The following CAB39L variants were observed in gnomAD, a reference collection of about 807,000 sequenced individuals.
CAB39L encodes the protein calcium-binding protein 39-like.
In CAB39L, 23 loss-of-function variants were observed where a neutral mutation model predicts 39.1. The observed-to-expected ratio is 0.59, with a 90% confidence interval of 0.42 to 0.83. The LOEUF (loss-of-function observed/expected upper bound fraction) is 0.83, where lower values mean the gene tolerates loss of function less well. Ranked by LOEUF, CAB39L falls within the 40% of genes least tolerant of loss-of-function variation. CAB39L has a pLI of 0.00. For missense variants in CAB39L, 366 were observed against 391.9 expected (o/e 0.93, Z 0.56); for synonymous variants, 126 against 137.2 (o/e 0.92, Z 0.57).
chr13:49,394,112 TA>T (rs1251529836), intron 3 of CAB39L, among the ~76,000 whole-genome samples: 1 of 151,716 alleles, frequency 6.6e-6, no homozygotes, highest in Non-Finnish European at 1.5e-5. Context: ...TATAGATAAA[TA>T]ATAAAAAAAA....
At chr13:49,372,439 G>C (rs1003935357) in intron 5 of CAB39L, among the ~76,000 whole-genome samples, 1 of 152,116 alleles carries the variant, frequency 6.6e-6, no homozygotes, top group Non-Finnish European at 1.5e-5. Context: ...ATTCCTGACA[G>C]AGAAGTAGGT....
chr13:49,438,279 C>A (rs189984358), intron 1 of CAB39L, among the ~76,000 whole-genome samples: 6 of 152,282 alleles, frequency 3.9e-5, no homozygotes, highest in Admixed American at 2.0e-4. Flanking sequence ...TCCTCTTTTC[C>A]TCCCATTTTT....
chr13:49,344,044 C>T, intron 8 of CAB39L, 135 bp downstream of exon 8: 1 of 659,486 alleles, frequency 1.5e-6, no homozygotes, highest in Non-Finnish European at 2.7e-6. Flanking sequence ...GACCTGGTTT[C>T]CAGGTAGACA....
intron 10 of CAB39L, among the ~76,000 whole-genome samples, chr13:49,325,134 AGAGTT>A (rs1954459951): frequency 6.6e-6 from 1 of 152,250 alleles, no homozygotes; most frequent in African/African-American, 2.4e-5. Context: ...AAAGAAACAT[AGAGTT>A]GATTGTTTTA....
intron 3 of CAB39L, among the ~76,000 whole-genome samples, chr13:49,405,741 GGAAGGA>G (rs1284960416): frequency 7.1e-6 from 1 of 140,056 alleles, no homozygotes; most frequent in Non-Finnish European, 1.6e-5. Context: ...AAGGAAGGAA[GGAAGGA>G]AGGGAGGGAG....
At chr13:49,332,763 C>T (rs1954746329) in intron 9 of CAB39L, among the ~76,000 whole-genome samples, 1 of 151,900 alleles carries the variant, frequency 6.6e-6, no homozygotes, top group Non-Finnish European at 1.5e-5. Flanking sequence ...TATTGTTGCT[C>T]TATCTTAGAA....
intron 5 of CAB39L, among the ~76,000 whole-genome samples, chr13:49,361,231 G>A (rs1373657991): frequency 6.6e-6 from 1 of 152,082 alleles, no homozygotes; most frequent in African/African-American, 2.4e-5. Flanking sequence ...TGTAATCCCA[G>A]CACTTTGGGA....
intron 3 of CAB39L, among the ~76,000 whole-genome samples, chr13:49,414,996 G>A (rs1338170614): frequency 6.6e-6 from 1 of 151,850 alleles, no homozygotes; most frequent in Non-Finnish European, 1.5e-5. Context: ...AGGCGTTCGA[G>A]ACCAGCCTGG....
At chr13:49,329,534 TAAAAA>T (rs777940622) in intron 10 of CAB39L, among the ~76,000 whole-genome samples, 25 of 17,400 alleles carry the variant, frequency 1.4e-3, no homozygotes, top group African/African-American at 6.4e-3. Flanking sequence ...TCTCTTCAAT[TAAAAA>T]AAAAAATATA....
chr13:49,392,536 G>C (rs1287971875), intron 3 of CAB39L, among the ~76,000 whole-genome samples: 1 of 152,124 alleles, frequency 6.6e-6, no homozygotes, highest in African/African-American at 2.4e-5. Context: ...AGCTACTCAG[G>C]AGGCTGAGGC....
At position 49,361,557 on chromosome 13, in the gene CAB39L, A is replaced by C. The variant is rs1305362109; in HGVS notation, c.277-1725T>G. On this transcript the variant is annotated intron_variant, in intron 5 of 10. Transcript: ENST00000409308. Reference sequence around the variant, plus strand: ...GACAGAAAAAAAGAGAGAGAAAGAGAAAGAAAAGAAAGAAAGAAAGAAAGA... The same window carrying C: ...GACAGAAAAAAAGAGAGAGAAAGAGCAAGAAAAGAAAGAAAGAAAGAAAGA... Among the ~76,000 whole-genome samples the C allele has an allele frequency of 6.9e-4, 54 of 78,662 alleles. 1 individual carries two copies. Among genetic ancestry groups the C allele is most frequent in the Non-Finnish European group, 2.9e-5 (1 of 34,538 alleles). The allele number at this position is 78,662 out of a possible 152,430, so 51.6% of individuals were successfully genotyped here.
At chr13:49,322,453 C>T (rs1482463457) in intron 10 of CAB39L, among the ~76,000 whole-genome samples, 2 of 152,336 alleles carry the variant, frequency 1.3e-5, no homozygotes, top group South Asian at 2.1e-4. Context: ...CTTCCTTCAA[C>T]GTGAAATCAC....
intron 3 of CAB39L, among the ~76,000 whole-genome samples, chr13:49,426,636 A>T (rs995123038): frequency 1.2e-4 from 18 of 152,204 alleles, no homozygotes; most frequent in African/African-American, 4.3e-4. Flanking sequence ...CGTGTTAGCC[A>T]GGATGGTCTC....
At chr13:49,332,827 T>C (rs552773294) in intron 9 of CAB39L, among the ~76,000 whole-genome samples, 2 of 151,978 alleles carry the variant, frequency 1.3e-5, no homozygotes, top group South Asian at 4.2e-4. Context: ...CCCTGGCTGC[T>C]GTAGCAATTC....
chr13:49,337,542 G>A (rs558331378), intron 9 of CAB39L, among the ~76,000 whole-genome samples: 56 of 152,126 alleles, frequency 3.7e-4, no homozygotes, highest in Non-Finnish European at 7.2e-4. Flanking sequence ...TACTCTGTTG[G>A]GTTCCCTGTC....
intron 3 of CAB39L, among the ~76,000 whole-genome samples, chr13:49,402,619 T>G (rs1168657699): frequency 6.6e-6 from 1 of 152,188 alleles, no homozygotes; most frequent in Non-Finnish European, 1.5e-5. Flanking sequence ...TCTGCAGAAT[T>G]AAAATCTCTC....
At chr13:49,393,670 T>C (rs1016140678) in intron 3 of CAB39L, among the ~76,000 whole-genome samples, 3 of 152,042 alleles carry the variant, frequency 2.0e-5, no homozygotes, top group South Asian at 2.1e-4. Context: ...ATAATTAAGA[T>C]AGGAAAGATT....
chr13:49,428,041 T>C (rs1189430198), intron 3 of CAB39L, among the ~76,000 whole-genome samples: 1 of 152,236 alleles, frequency 6.6e-6, no homozygotes, highest in Non-Finnish European at 1.5e-5. Flanking sequence ...AACATAGGAA[T>C]TTTGTGGGGA....
intron 10 of CAB39L, among the ~76,000 whole-genome samples, chr13:49,328,562 G>C (rs1012469519): frequency 1.3e-5 from 2 of 151,836 alleles, no homozygotes; most frequent in Non-Finnish European, 2.9e-5. Context: ...ATTATGGCTG[G>C]GTATGGTGGT....
Sources: gnomAD v4.1 joint callset for allele counts (sites outside exome capture counted in the v4.1 genomes callset) on GRCh38, gnomAD v4.1.1 for gene constraint, MANE v1.5 for transcripts, NCBI Gene and HGNC (gene_info 2026-07-23, HGNC 2026-07-21) for gene names.